GALNT18: variants seen among roughly 807,000 people sequenced by gnomAD.
GALNT18 encodes GalNAc-transferase 18.
GALNT18 carries 44 observed loss-of-function variants against 69.5 expected under a neutral mutation model. The observed-to-expected ratio is 0.63, with a 90% CI of 0.50 to 0.81. GALNT18 has a LOEUF of 0.81. GALNT18 is among the 40% of genes least tolerant of loss of function. The pLI is 0.00. For synonymous variants in GALNT18, 364 were observed against 318.2 expected (o/e 1.14, Z -1.53); for missense variants, 715 against 810.0 (o/e 0.88, Z 1.42).
rs1858051982 is a variant in GALNT18, at chr11:11,546,297, C to T, written c.235+75062G>A. ...CACACCCCTGTCAACCCAGCCAGGA[C>T]CTGAGGCCATCGGGACTCCCTGTCT... On this transcript the variant is annotated intron_variant, in intron 1 of 10. Coordinates refer to ENST00000227756, the MANE Select transcript of GALNT18 (RefSeq NM_198516.3). The surrounding 1 kb of genome is among the most constrained non-coding windows in gnomAD (Gnocchi z 5.8). Among the ~76,000 whole-genome samples the T allele has an allele frequency of 6.6e-6, 1 of 152,178 alleles. No homozygotes were observed. The highest frequency in any genetic ancestry group is 6.5e-5 in the Admixed American group (1 of 15,282).
chr11:11,456,930 C>T (rs1290237637), intron 1 of GALNT18, among the ~76,000 whole-genome samples: 1 of 152,166 alleles, frequency 6.6e-6, no homozygotes, highest in Non-Finnish European at 1.5e-5. Context: ...CAGGTCCATG[C>T]TAATTCATGG....
In GALNT18 at chr11:11,606,304, C is replaced by A. The variant is rs1258595134; in HGVS notation, c.235+15055G>T. Among the ~76,000 whole-genome samples the A allele has an allele frequency of 6.6e-6, 1 of 152,206 alleles. No individual in the cohort carries two copies. The highest frequency in any genetic ancestry group is 1.5e-5 in the Non-Finnish European group (1 of 68,040). On this transcript the variant is annotated intron_variant, in intron 1 of 10. Coordinates refer to ENST00000227756, the MANE Select transcript of GALNT18 (RefSeq NM_198516.3). The surrounding 1 kb of genome is among the most constrained non-coding windows in gnomAD (Gnocchi z 5.4). ...GGACCCAGTCTCCACCTTTAAGTAACCCACAGTCTAATGAGAAAAGCAGAC... is the reference window on the plus strand; with the variant it reads ...GGACCCAGTCTCCACCTTTAAGTAAACCACAGTCTAATGAGAAAAGCAGAC...
In GALNT18 at chr11:11,308,405, T is replaced by C. The variant is rs117508000; in HGVS notation, c.1513-15212A>G. ...TTTCTTATCCTCACTCCACCCCTGA[T>C]ATGCTCTGTGCTTCGTCCCCAGTTG... On this transcript the variant is annotated intron_variant, in intron 9 of 10. Coordinates refer to ENST00000227756, the MANE Select transcript of GALNT18 (RefSeq NM_198516.3). 3.9e-5 allele frequency among the ~76,000 whole-genome samples: 6 copies of C among 152,288 alleles called. No individual in the cohort carries two copies. In the East Asian group the frequency reaches 9.6e-4, roughly 24 times the overall value.
intron 1 of GALNT18, among the ~76,000 whole-genome samples, chr11:11,460,768 CT>C (rs59141264): frequency 0.15 from 22,665 of 152,168 alleles, 2,287 homozygotes; most frequent in African/African-American, 0.28. Flanking sequence ...TTTGGCTACT[CT>C]TAAGTGTGGC....
At chr11:11,441,561 C>G (rs1855532071) in intron 2 of GALNT18, among the ~76,000 whole-genome samples, 1 of 152,222 alleles carries the variant, frequency 6.6e-6, no homozygotes, top group Non-Finnish European at 1.5e-5. Context: ...ATTTCCTAAC[C>G]TTGTGAATGT....
chr11:11,608,324 T>TGATACACAGGGTGGG (rs977655017), intron 1 of GALNT18, among the ~76,000 whole-genome samples: 1 of 152,104 alleles, frequency 6.6e-6, no homozygotes, highest in African/African-American at 2.4e-5. Context: ...AGCTCCTACC[T>TGATACACAGGGTGGG]GATACACAGG....
chr11:11,375,416 G>A (rs373899405), intron 5 of GALNT18, among the ~76,000 whole-genome samples: 5 of 152,328 alleles, frequency 3.3e-5, no homozygotes, highest in African/African-American at 1.2e-4. Context: ...AGTTAGAGAT[G>A]AGCAGAACAG....
chr11:11,599,060 T>C (rs150043600), intron 1 of GALNT18, among the ~76,000 whole-genome samples: 1,724 of 152,264 alleles, frequency 0.011, 23 homozygotes, highest in African/African-American at 0.036. Context: ...AAAAAATGTG[T>C]ATTCTGCTGT....
chr11:11,453,249 C>T (rs1354056729), intron 1 of GALNT18, among the ~76,000 whole-genome samples: 1 of 152,132 alleles, frequency 6.6e-6, no homozygotes, highest in East Asian at 1.9e-4. Flanking sequence ...ATTACCATGC[C>T]ACGTCCTTCT....
In GALNT18 at chr11:11,337,798, C is replaced by T. The variant is rs1022185167; in HGVS notation, c.1278+3021G>A. Among the ~76,000 whole-genome samples the T allele has an allele frequency of 1.3e-5, 2 of 151,940 alleles. No individual in the cohort carries two copies. Among genetic ancestry groups the T allele is most frequent in the Admixed American group, 6.6e-5 (1 of 15,260 alleles). ...TGTAATGGGCAGTTCCCATAGTCCACGCAACGTATGCAGACTTCAAAACAG... is the reference window on the plus strand; with the variant it reads ...TGTAATGGGCAGTTCCCATAGTCCATGCAACGTATGCAGACTTCAAAACAG... On this transcript the variant is annotated intron_variant, in intron 7 of 10. Coordinates refer to ENST00000227756, the MANE Select transcript of GALNT18 (RefSeq NM_198516.3). This position sits in a 1 kb window ranked among gnomAD's most constrained non-coding sequence, Gnocchi z 4.9.
Position 11,356,430 on chromosome 11 carries a change from C to T in GALNT18, c.1093-15426G>A, listed in dbSNP as rs1202306880. ...AACAAAAATGGAAACAAAAGGGAGACAGAAAATGACTCTGGGGAGCTTTAA... is the reference window on the plus strand; with the variant it reads ...AACAAAAATGGAAACAAAAGGGAGATAGAAAATGACTCTGGGGAGCTTTAA... On this transcript the variant is annotated intron_variant, in intron 6 of 10. Transcript: ENST00000227756. This position sits in a 1 kb window ranked among gnomAD's most constrained non-coding sequence, Gnocchi z 4.4. 5.3e-5 allele frequency among the ~76,000 whole-genome samples: 8 copies of T among 152,168 alleles called. No individual in the cohort carries two copies. The highest frequency in any genetic ancestry group is 5.9e-5 in the Non-Finnish European group (4 of 68,030).
chr11:11,422,168 T>G (rs1361938651), intron 3 of GALNT18, among the ~76,000 whole-genome samples: 1 of 152,046 alleles, frequency 6.6e-6, no homozygotes, highest in Non-Finnish European at 1.5e-5. Context: ...ATACTCAGAG[T>G]AGCCAGAAAC....
In GALNT18 at chr11:11,511,988, T is replaced by C. The variant is rs1857174353; in HGVS notation, c.236-63052A>G. ...ATGTATATGTATGCATACCATCATA[T>C]GTATACACATGTCTACATATATACA... On this transcript the variant is annotated intron_variant, in intron 1 of 10. Coordinates refer to ENST00000227756, the MANE Select transcript of GALNT18 (RefSeq NM_198516.3). The surrounding 1 kb of genome is among the most constrained non-coding windows in gnomAD (Gnocchi z 4.9). 6.6e-6 allele frequency among the ~76,000 whole-genome samples: 1 copy of C among 152,214 alleles called. No individual in the cohort carries two copies. The highest frequency in any genetic ancestry group is 2.4e-5 in the African/African-American group (1 of 41,454).
At chr11:11,477,294 C>T (rs1375345520) in intron 1 of GALNT18, among the ~76,000 whole-genome samples, 1 of 152,182 alleles carries the variant, frequency 6.6e-6, no homozygotes, top group Non-Finnish European at 1.5e-5. Flanking sequence ...TATGAGGGAC[C>T]AAAGGGGCAG....
intron 10 of GALNT18, among the ~76,000 whole-genome samples, chr11:11,274,633 G>T (rs1848899515): frequency 6.6e-6 from 1 of 152,172 alleles, no homozygotes; most frequent in South Asian, 2.1e-4. Context: ...TGCATGCCAT[G>T]GTGGTTTGCT....
chr11:11,551,453 C>T (rs757735520), intron 1 of GALNT18, among the ~76,000 whole-genome samples: 9 of 152,154 alleles, frequency 5.9e-5, no homozygotes, highest in East Asian at 3.9e-4. Context: ...AGTCATGGAG[C>T]GGAAACAGAT....
rs968783342 is a variant in GALNT18 at position 11,317,277 on chromosome 11, G to A, written c.1512+9809C>T. Among the ~76,000 whole-genome samples, 10 of 152,312 alleles carry A rather than the reference G, an allele frequency of 6.6e-5. No individual in the cohort carries two copies. In the East Asian group the frequency reaches 1.9e-3, roughly 29 times the overall value. On this transcript the variant is annotated intron_variant, in intron 9 of 10. Coordinates refer to ENST00000227756, the MANE Select transcript of GALNT18 (RefSeq NM_198516.3). ...AGTGAACTTTTTAAATGGCACTGAA[G>A]CACAGTCTCTCAAAAGGTTTAAACA...
chr11:11,524,824 T>C (rs1312175492), intron 1 of GALNT18, among the ~76,000 whole-genome samples: 1 of 152,208 alleles, frequency 6.6e-6, no homozygotes, highest in African/African-American at 2.4e-5. Flanking sequence ...TATAAGTAAA[T>C]AGGACTCAGT....
intron 3 of GALNT18, among the ~76,000 whole-genome samples, chr11:11,406,481 A>T (rs1025557692): frequency 1.1e-4 from 17 of 152,232 alleles, no homozygotes; most frequent in African/African-American, 3.6e-4. Flanking sequence ...AAGTATCACA[A>T]AACGCTGATA....
Sources: gnomAD v4.1 joint callset for allele counts (sites outside exome capture counted in the v4.1 genomes callset) on GRCh38, gnomAD v4.1.1 for gene constraint, Gnocchi (gnomAD v3.1) non-coding constraint, MANE v1.5 for transcripts, NCBI Gene and HGNC (gene_info 2026-07-23, HGNC 2026-07-21) for gene names.